Variants in SLC44A1 observed in about 807,000 individuals in gnomAD.
SLC44A1 encodes the protein solute carrier family 44 member 1, also known as choline transporter-like protein 1.
SLC44A1 carries 26 observed loss-of-function variants against 79.3 expected under a neutral mutation model. The ratio of observed to expected loss-of-function variants is 0.33; its 90% CI spans 0.24 to 0.46. The LOEUF is 0.46. SLC44A1 is among the 20% of genes least tolerant of loss of function. The pLI, the probability that SLC44A1 is intolerant of heterozygous loss-of-function variation, is 1.00. For missense variants in SLC44A1, 688 were observed against 798.1 expected, an observed-to-expected ratio of 0.86 and a Z score of 1.66; for synonymous variants, 263 against 286.2, an observed-to-expected ratio of 0.92 and a Z score of 0.82.
At chr9:105,284,973 C>T (rs1366350970) in intron 1 of SLC44A1, among the ~76,000 whole-genome samples, 1 of 152,156 alleles carries the variant, frequency 6.6e-6, no homozygotes, top group African/African-American at 2.4e-5. Flanking sequence ...ATAGATTTGC[C>T]TATTCTGGGT....
At chr9:105,310,613 C>G (rs937135907) in intron 3 of SLC44A1, among the ~76,000 whole-genome samples, 5 of 152,080 alleles carry the variant, frequency 3.3e-5, no homozygotes, top group African/African-American at 1.2e-4. Context: ...CTAACTAATC[C>G]AGTTAATGCA....
At chr9:105,258,134 T>A (rs1206737325) in intron 1 of SLC44A1, among the ~76,000 whole-genome samples, 1 of 152,180 alleles carries the variant, frequency 6.6e-6, no homozygotes, top group Admixed American at 6.5e-5. Flanking sequence ...AAAGAACAGA[T>A]GTTTTGAACG....
At chr9:105,269,259 C>G (rs780805062) in intron 1 of SLC44A1, among the ~76,000 whole-genome samples, 10 of 152,248 alleles carry the variant, frequency 6.6e-5, no homozygotes, top group Middle Eastern at 3.4e-3. Context: ...ATCTTTTGGC[C>G]TTGATATTAT....
rs1828864048 is a variant in SLC44A1 at position 105,395,783 on chromosome 9, GA to G, written c.*6731del. The stretch of plus-strand genomic sequence containing the variant: ...TATGAGTAAAAAAAAAGTAGACATT[GA>G]AAAGAAGACTTGGGAATAATTGGGC... On this transcript the variant is annotated 3_prime_UTR_variant, in exon 16 of 16. Transcript: ENST00000374720. 1 of 984,950 alleles carries G rather than the reference GA, an allele frequency of 1.0e-6. No individual in the cohort carries two copies. Among genetic ancestry groups the G allele is most frequent in the East Asian group, 1.1e-4 (1 of 8,816 alleles). 61.0% of individuals were successfully genotyped at this position (984,950 alleles called of 1,614,324 possible). A position where few individuals can be genotyped will look rare whatever the true frequency, so the allele number is the denominator to read the frequency against.
At chr9:105,386,565 C>A in intron 15 of SLC44A1, 3 of 323,842 alleles carry the variant, frequency 9.3e-6, no homozygotes, top group Non-Finnish European at 1.3e-5. Flanking sequence ...TTTATTAAAA[C>A]ATGAGATTTT....
chr9:105,378,488 T>C (rs1192489262), intron 13 of SLC44A1, among the ~76,000 whole-genome samples: 3 of 152,208 alleles, frequency 2.0e-5, no homozygotes. Context: ...TCAATCTTTA[T>C]TTCCTGAGAC....
intron 13 of SLC44A1, among the ~76,000 whole-genome samples, chr9:105,379,121 C>T (rs1288425775): frequency 6.6e-6 from 1 of 152,086 alleles, no homozygotes; most frequent in African/African-American, 2.4e-5. Context: ...CAAAAAAATA[C>T]AAAAATTTTC....
chr9:105,410,392 TAAAC>T (rs1337201506), intron 15 of SLC44A1, among the ~76,000 whole-genome samples: 4 of 152,050 alleles, frequency 2.6e-5, no homozygotes, highest in East Asian at 1.9e-4. Context: ...AACAAAAAAA[TAAAC>T]AACCCATAAC....
intron 3 of SLC44A1, among the ~76,000 whole-genome samples, chr9:105,326,930 C>T (rs1017773294): frequency 1.3e-5 from 2 of 152,206 alleles, no homozygotes; most frequent in Non-Finnish European, 1.5e-5. Flanking sequence ...GGAACGTCAT[C>T]CTTGTCCTTC....
intron 15 of SLC44A1, among the ~76,000 whole-genome samples, chr9:105,434,955 G>A (rs1829444697): frequency 6.6e-6 from 1 of 152,122 alleles, no homozygotes. Context: ...GACCAGCCTA[G>A]GCAACCTGGT....
chr9:105,398,316 G>A (rs1828912855), downstream of SLC44A1, among the ~76,000 whole-genome samples: 1 of 152,188 alleles, frequency 6.6e-6, no homozygotes, highest in Non-Finnish European at 1.5e-5. Flanking sequence ...TAGCAAATGT[G>A]AGCTGATGAT....
chr9:105,284,856 T>C (rs773885418), intron 1 of SLC44A1, among the ~76,000 whole-genome samples: 3 of 152,206 alleles, frequency 2.0e-5, no homozygotes, highest in African/African-American at 4.8e-5. Flanking sequence ...TAGAGTTGAA[T>C]AGCCACCGCC....
chr9:105,257,621 G>A (rs1262642357), intron 1 of SLC44A1, among the ~76,000 whole-genome samples: 2 of 152,200 alleles, frequency 1.3e-5, no homozygotes, highest in African/African-American at 4.8e-5. Flanking sequence ...GGAGTTCAGG[G>A]GACGGGGAAA....
At chr9:105,279,530 A>T (rs376795332) in intron 1 of SLC44A1, among the ~76,000 whole-genome samples, 1 of 151,926 alleles carries the variant, frequency 6.6e-6, no homozygotes, top group Non-Finnish European at 1.5e-5. Context: ...GTTGGCCAGG[A>T]TGGTCTCAAT....
chr9:105,322,732 A>G lies in SLC44A1; in HGVS notation c.270-12831A>G, dbSNP rs2055884. On this transcript the variant is annotated intron_variant, in intron 3 of 15. Coordinates refer to ENST00000374720, the MANE Select transcript of SLC44A1 (RefSeq NM_080546.5). ...TGAGTGATACTGTGAAGAAAGCTAC[A>G]TTTAGATCTACTTTAATCTCATACC... 6.1e-3 allele frequency among the ~76,000 whole-genome samples: 934 copies of G among 152,328 alleles called. 28 individuals carry two copies. The highest frequency in any genetic ancestry group is 0.053 in the East Asian group (273 of 5,188).
downstream of SLC44A1, among the ~76,000 whole-genome samples, chr9:105,398,208 C>T (rs912650617): frequency 7.2e-5 from 11 of 152,290 alleles, no homozygotes; most frequent in South Asian, 4.1e-4. Context: ...GGATGTTCTT[C>T]TTAAGTGGAA....
At chr9:105,355,212 G>T (rs148005481) in intron 5 of SLC44A1, among the ~76,000 whole-genome samples, 6 of 152,164 alleles carry the variant, frequency 3.9e-5, no homozygotes, top group Non-Finnish European at 8.8e-5. Context: ...AGGCATATTC[G>T]TAGTTCTTTG....
chr9:105,417,016 A>AGGTTTT (rs1353770653), intron 15 of SLC44A1, among the ~76,000 whole-genome samples: 5 of 152,198 alleles, frequency 3.3e-5, no homozygotes, highest in African/African-American at 7.2e-5. Flanking sequence ...GTGCTGTAAA[A>AGGTTTT]GGTTTTGGTT....
chr9:105,331,746 T>C lies in SLC44A1; in HGVS notation c.270-3817T>C, dbSNP rs116343388. Among the ~76,000 whole-genome samples, 880 of 152,320 alleles carry C rather than the reference T, an allele frequency of 5.8e-3. 11 individuals are homozygous for C. The highest frequency in any genetic ancestry group is 0.02 in the African/African-American group (845 of 41,562). On this transcript the variant is annotated intron_variant, in intron 3 of 15. Coordinates refer to ENST00000374720, the MANE Select transcript of SLC44A1 (RefSeq NM_080546.5). ...CAAAGTTAATAGAGAACAGTTAAATTTACTAATGATATTTGTAGGAAATAT... is the reference window on the plus strand; with the variant it reads ...CAAAGTTAATAGAGAACAGTTAAATCTACTAATGATATTTGTAGGAAATAT...
Sources: gnomAD v4.1 joint callset for allele counts (sites outside exome capture counted in the v4.1 genomes callset) on GRCh38, gnomAD v4.1.1 for gene constraint, MANE v1.5 for transcripts, NCBI Gene and HGNC (gene_info 2026-07-23, HGNC 2026-07-21) for gene names.